Variants in DNAJC8 observed in about 807,000 individuals in gnomAD.
The protein encoded by DNAJC8 is dnaJ homolog subfamily C member 8.
A neutral mutation model predicts 43.2 loss-of-function variants in DNAJC8; 24 were observed. The observed-to-expected ratio is 0.56, with a 90% confidence interval of 0.40 to 0.78. The LOEUF (loss-of-function observed/expected upper bound fraction) is 0.78. DNAJC8 is among the 30% of genes least tolerant of loss of function. The probability of loss-of-function intolerance (pLI) is 0.00; values close to 1 mark genes in which losing one functional copy is unlikely to be tolerated. For synonymous variants in DNAJC8, 83 were observed against 98.0 expected, an observed-to-expected ratio of 0.85 and a Z score of 0.90; for missense variants, 207 against 299.4, an observed-to-expected ratio of 0.69 and a Z score of 2.28.
intron 2 of DNAJC8, among the ~76,000 whole-genome samples, chr1:28,221,265 G>A (rs1377178814): frequency 6.6e-6 from 1 of 152,054 alleles, no homozygotes; most frequent in Non-Finnish European, 1.5e-5. Flanking sequence ...CTTGAACCCG[G>A]GAGGCGGAGG....
At chr1:28,218,921 T>C (rs574233709) in intron 2 of DNAJC8, among the ~76,000 whole-genome samples, 5 of 152,136 alleles carry the variant, frequency 3.3e-5, no homozygotes, top group South Asian at 2.1e-4. Context: ...AAAATATTCA[T>C]AGGAAAACCA....
intron 3 of DNAJC8, among the ~76,000 whole-genome samples, chr1:28,210,939 G>GT (rs1646806183): frequency 1.3e-5 from 2 of 152,310 alleles, no homozygotes; most frequent in Middle Eastern, 6.8e-3. Context: ...GGAGGCTGAG[G>GT]TGAGAGGATT....
intron 4 of DNAJC8, 155 bp downstream of exon 4, chr1:28,210,416 T>G (rs1646802926): frequency 1.5e-6 from 1 of 648,400 alleles, no homozygotes; most frequent in African/African-American, 1.8e-5. Context: ...AACAACAACA[T>G]TCTGCTTTGA....
At chr1:28,232,625 T>TGCCAGCCCCC (rs1330375043) in intron 1 of DNAJC8, among the ~76,000 whole-genome samples, 1 of 152,156 alleles carries the variant, frequency 6.6e-6, no homozygotes, top group Non-Finnish European at 1.5e-5. Flanking sequence ...GCCCAGCCTC[T>TGCCAGCCCCC]GCCAGCCCCC....
At chr1:28,222,940 G>A (rs1300171721) in intron 2 of DNAJC8, among the ~76,000 whole-genome samples, 1 of 152,112 alleles carries the variant, frequency 6.6e-6, no homozygotes, top group Non-Finnish European at 1.5e-5. Context: ...GGCCCAAGAG[G>A]GATGAGGAAA....
intron 2 of DNAJC8, among the ~76,000 whole-genome samples, chr1:28,228,455 A>G (rs1646952929): frequency 6.6e-6 from 1 of 152,044 alleles, no homozygotes; most frequent in Non-Finnish European, 1.5e-5. Context: ...ATGATGAAAG[A>G]TATGTGACCA....
rs56372238 is a variant in DNAJC8 at position 28,217,998 on chromosome 1, G to A, written c.181-3002C>T. Among the ~76,000 whole-genome samples, 405 of 151,908 alleles carry A rather than the reference G, an allele frequency of 2.7e-3. 3 individuals carry two copies. The highest frequency in any genetic ancestry group is 4.9e-3 in the Non-Finnish European group (334 of 67,976). ...CCCATTTGCATGTGGACTGTATGCT[G>A]GATGAAGTTACTTGACGTTGTTTTC... On this transcript the variant is annotated intron_variant, in intron 2 of 8. Coordinates refer to ENST00000263697, the MANE Select transcript of DNAJC8 (RefSeq NM_014280.3).
At chr1:28,222,485 CA>C (rs35878807) in intron 2 of DNAJC8, among the ~76,000 whole-genome samples, 929 of 44,690 alleles carry the variant, frequency 0.021, 3 homozygotes, top group African/African-American at 0.064. Context: ...GACTCCATCT[CA>C]AAAAAAAAAA....
intron 2 of DNAJC8, among the ~76,000 whole-genome samples, chr1:28,228,170 G>T (rs1012229524): frequency 6.6e-6 from 1 of 151,932 alleles, no homozygotes; most frequent in African/African-American, 2.4e-5. Flanking sequence ...CCAACATGGT[G>T]AAACCCCATC....
intron 3 of DNAJC8, among the ~76,000 whole-genome samples, chr1:28,213,008 G>A (rs1177309548): frequency 6.6e-6 from 1 of 152,222 alleles, no homozygotes; most frequent in African/African-American, 2.4e-5. Context: ...TATGTGCCAA[G>A]AGTTACTCTA....
intron 6 of DNAJC8, 109 bp from the exon 7 acceptor site, chr1:28,205,458 C>T (rs903440486): frequency 1.3e-6 from 1 of 758,238 alleles, no homozygotes; most frequent in Non-Finnish European, 2.2e-6. Flanking sequence ...AAACCTGGCA[C>T]AGGCTGTGCA....
At chr1:28,203,642 A>G (rs1646751044) in intron 8 of DNAJC8, 105 bp downstream of exon 8, 1 of 1,119,336 alleles carries the variant, frequency 8.9e-7, no homozygotes, top group African/African-American at 1.5e-5. Context: ...ACTCTTCCCC[A>G]CATATCCCAC....
chr1:28,215,415 G>A (rs2149018569), intron 2 of DNAJC8, among the ~76,000 whole-genome samples: 1 of 152,236 alleles, frequency 6.6e-6, no homozygotes, highest in Non-Finnish European at 1.5e-5. Context: ...AAGGCCCAGT[G>A]GTTCTCAATC....
chr1:28,222,441 A>ACG (rs1646904987), intron 2 of DNAJC8, among the ~76,000 whole-genome samples: 1 of 145,932 alleles, frequency 6.9e-6, no homozygotes, highest in Non-Finnish European at 1.5e-5. Context: ...AGCCGAGATC[A>ACG]CGCCACTACA....
In DNAJC8 at chr1:28,210,043, G is replaced by C. The variant is rs1375970101; in HGVS notation, c.328C>G (p.Leu110Val). 6.2e-7 allele frequency: 1 copy of C among 1,613,950 alleles called. No homozygotes were observed. Among genetic ancestry groups the C allele is most frequent in the Non-Finnish European group, 8.5e-7 (1 of 1,179,974 alleles). Residue 110 changes from leucine to valine, a missense_variant, in exon 5 of 9, where the codon CTA becomes GTA. Leu to Val is a conservative substitution (Grantham distance 32). This residue lies in a region of DNAJC8 where 159 missense variants were observed against 267.5 expected (regional missense o/e 0.59). Coordinates refer to ENST00000263697, the MANE Select transcript of DNAJC8 (RefSeq NM_014280.3). ...FEAVDKAYKL[L>V]LDQEQKKRAL... The stretch of plus-strand genomic sequence containing the variant: ...CTCTTCTTTTGCTCCTGATCCAGTA[G>C]CAACTTGTAAGCTTTGTCCACAGCT...
intron 2 of DNAJC8, among the ~76,000 whole-genome samples, chr1:28,220,845 G>A (rs1273150562): frequency 6.6e-6 from 1 of 152,206 alleles, no homozygotes; most frequent in Admixed American, 6.6e-5. Flanking sequence ...CAAGCACACA[G>A]GTCTGTTCAG....
intron 6 of DNAJC8, 148 bp from the exon 7 acceptor site, chr1:28,205,497 T>C (rs1646762495): frequency 1.7e-6 from 1 of 596,490 alleles, no homozygotes; most frequent in Non-Finnish European, 2.9e-6. Context: ...ATTCCAACAC[T>C]TTGGAAGGCC....
chr1:28,201,508 G>T (rs1646733047), intron 8 of DNAJC8, 138 bp from the exon 9 acceptor site: 3 of 1,347,206 alleles, frequency 2.2e-6, no homozygotes, highest in Non-Finnish European at 3.0e-6. Context: ...AATAGAGCTG[G>T]CCAGGCACAG....
At chr1:28,232,432 A>G (rs904541538) in intron 1 of DNAJC8, among the ~76,000 whole-genome samples, 55 of 152,320 alleles carry the variant, frequency 3.6e-4, no homozygotes, top group African/African-American at 1.3e-3. Context: ...TAAGGCCCCA[A>G]ACTATTTCAC....
Sources: gnomAD v4.1 joint callset for allele counts (sites outside exome capture counted in the v4.1 genomes callset) on GRCh38, gnomAD v4.1.1 for gene constraint, gnomAD v4.1.1 regional missense constraint, MANE v1.5 for transcripts, NCBI Gene and HGNC (gene_info 2026-07-23, HGNC 2026-07-21) for gene names.